KCNQ3: variants seen among roughly 807,000 people sequenced by gnomAD.
KCNQ3 encodes the protein potassium voltage-gated channel subfamily Q member 3, also known as potassium voltage-gated channel subfamily KQT member 3.
KCNQ3 carries 30 observed loss-of-function variants against 92.5 expected under a neutral mutation model. The observed-to-expected ratio is 0.32, with a 90% CI of 0.24 to 0.44. The LOEUF is 0.44. Among genes scored for constraint, KCNQ3 ranks in the 20% least tolerant of loss-of-function variants. The pLI is 1.00. For missense variants in KCNQ3, 913 were observed against 1,140.3 expected (o/e 0.80, Z 2.87); for synonymous variants, 450 against 468.8 (o/e 0.96, Z 0.52).
At chr8:132,276,184 T>C (rs1376584588) in intron 1 of KCNQ3, among the ~76,000 whole-genome samples, 2 of 152,158 alleles carry the variant, frequency 1.3e-5, no homozygotes, top group Non-Finnish European at 2.9e-5. Flanking sequence ...AAAATGAAAA[T>C]AATCCTAGCA....
At chr8:132,432,721 C>G (rs1402900313) in intron 1 of KCNQ3, among the ~76,000 whole-genome samples, 1 of 152,194 alleles carries the variant, frequency 6.6e-6, no homozygotes, top group Admixed American at 6.5e-5. Flanking sequence ...CATCCTATCT[C>G]TGTCATCCAC....
At position 132,480,529 on chromosome 8, in the gene KCNQ3, C is replaced by T; in HGVS notation, c.4G>A (p.Gly2Arg). Residue 2 changes from glycine to arginine, a missense_variant, in exon 1 of 15, where the codon GGG becomes AGG. Physicochemically the swap from Gly to Arg is moderately radical, Grantham distance 125. Transcript: ENST00000388996. M[G>R]LKARRAAGAA... ...CCCGCCGCCCTGCGCGCCTTGAGCCCCATCTGCCTCGCCCCCGCCGGCCGC... is the reference window on the plus strand; with the variant it reads ...CCCGCCGCCCTGCGCGCCTTGAGCCTCATCTGCCTCGCCCCCGCCGGCCGC... 1 of 1,241,958 alleles carries T rather than the reference C, an allele frequency of 8.1e-7. No individual in the cohort carries two copies. The highest frequency in any genetic ancestry group is 1.7e-5 in the South Asian group (1 of 58,798). 76.9% of individuals were successfully genotyped at this position (1,241,958 alleles called of 1,614,324 possible).
At chr8:132,133,153 GA>G (rs1824938744) in intron 13 of KCNQ3, among the ~76,000 whole-genome samples, 1 of 152,034 alleles carries the variant, frequency 6.6e-6, no homozygotes, top group African/African-American at 2.4e-5. Context: ...CTGTTTTCTG[GA>G]AACAGAGGAT....
At chr8:132,290,829 T>C (rs982711681) in intron 1 of KCNQ3, among the ~76,000 whole-genome samples, 2 of 152,094 alleles carry the variant, frequency 1.3e-5, no homozygotes, top group Non-Finnish European at 2.9e-5. Context: ...CACACTACTG[T>C]GAGAAATCAG....
At chr8:132,184,905 A>G (rs1264224952) in intron 2 of KCNQ3, among the ~76,000 whole-genome samples, 1 of 152,232 alleles carries the variant, frequency 6.6e-6, no homozygotes, top group Non-Finnish European at 1.5e-5. Context: ...AAGTTTTTCA[A>G]GGCAATGAAG....
At chr8:132,138,263 T>C (rs1307442993) in intron 11 of KCNQ3, among the ~76,000 whole-genome samples, 1 of 152,206 alleles carries the variant, frequency 6.6e-6, no homozygotes, top group Non-Finnish European at 1.5e-5. Flanking sequence ...AGAGCTAACA[T>C]TTATTGAGCA....
chr8:132,279,360 A>C (rs1456452294), intron 1 of KCNQ3, among the ~76,000 whole-genome samples: 1 of 152,230 alleles, frequency 6.6e-6, no homozygotes, highest in African/African-American at 2.4e-5. Context: ...GCCCTGGACC[A>C]GAGGATCAAC....
At chr8:132,228,926 G>C (rs1165005116) in intron 1 of KCNQ3, among the ~76,000 whole-genome samples, 6 of 152,150 alleles carry the variant, frequency 3.9e-5, no homozygotes, top group Non-Finnish European at 7.3e-5. Context: ...CACAGGGAGA[G>C]AGGGAACAAT....
At chr8:132,255,801 A>C (rs752822733) in intron 1 of KCNQ3, among the ~76,000 whole-genome samples, 1 of 152,202 alleles carries the variant, frequency 6.6e-6, no homozygotes, top group Non-Finnish European at 1.5e-5. Context: ...CACACATGAA[A>C]AGGAATACAG....
At chr8:132,325,164 G>C (rs945678263) in intron 1 of KCNQ3, among the ~76,000 whole-genome samples, 1 of 152,034 alleles carries the variant, frequency 6.6e-6, no homozygotes, top group African/African-American at 2.4e-5. Context: ...GGTCCTGGCG[G>C]TGTGGATGGG....
chr8:132,394,025 G>C (rs934341337), intron 1 of KCNQ3, among the ~76,000 whole-genome samples: 3 of 152,116 alleles, frequency 2.0e-5, no homozygotes, highest in African/African-American at 7.2e-5. Flanking sequence ...TCAGACCCAG[G>C]CTCCACAAGA....
intron 1 of KCNQ3, among the ~76,000 whole-genome samples, chr8:132,242,961 C>T (rs1586858342): frequency 6.6e-6 from 1 of 152,198 alleles, no homozygotes; most frequent in South Asian, 2.1e-4. Flanking sequence ...TACCTCTGTT[C>T]ACTTCCGTTC....
chr8:132,345,797 T>G (rs971930625), intron 1 of KCNQ3, among the ~76,000 whole-genome samples: 1 of 152,160 alleles, frequency 6.6e-6, no homozygotes, highest in African/African-American at 2.4e-5. Flanking sequence ...AGACTACAGC[T>G]ACATTAACAA....
At chr8:132,373,172 C>T (rs1201564360) in intron 1 of KCNQ3, among the ~76,000 whole-genome samples, 1 of 151,986 alleles carries the variant, frequency 6.6e-6, no homozygotes, top group Non-Finnish European at 1.5e-5. Context: ...GGGCCTCCAG[C>T]GTCAGACATG....
intron 1 of KCNQ3, among the ~76,000 whole-genome samples, chr8:132,216,059 A>G (rs1814019520): frequency 6.6e-6 from 1 of 152,250 alleles, no homozygotes; most frequent in African/African-American, 2.4e-5. Context: ...ATTTCTCTGC[A>G]TAATAATCTC....
At chr8:132,310,530 G>A (rs1281590916) in intron 1 of KCNQ3, among the ~76,000 whole-genome samples, 2 of 152,130 alleles carry the variant, frequency 1.3e-5, no homozygotes, top group East Asian at 1.9e-4. Context: ...CCACTGCCTG[G>A]GCTGGTCTTC....
At chr8:132,136,620 C>A (rs1004863584) in intron 12 of KCNQ3, among the ~76,000 whole-genome samples, 9 of 152,032 alleles carry the variant, frequency 5.9e-5, no homozygotes, top group African/African-American at 1.9e-4. Flanking sequence ...TGTTTAGAAT[C>A]ATATCATACC....
rs55856588 is a variant in KCNQ3 at position 132,278,366 on chromosome 8, C to T, written c.387-92185G>A. Among the ~76,000 whole-genome samples the T allele has an allele frequency of 8.2e-3, 1,256 of 152,250 alleles. 16 individuals are homozygous for T. The highest frequency in any genetic ancestry group is 0.029 in the African/African-American group (1,210 of 41,546). On this transcript the variant is annotated intron_variant, in intron 1 of 14. Coordinates refer to ENST00000388996, the MANE Select transcript of KCNQ3 (RefSeq NM_004519.4). ...GATTAATCCCACAATCAGCATTGTC[C>T]TCAAGGAAACATCTACCAGTGCTGC... is the stretch of plus-strand genomic sequence containing the variant.
Position 132,129,275 on chromosome 8 carries a change from T to C in KCNQ3, c.2606A>G (p.Asn869Ser), listed in dbSNP as rs1203634906. The C allele has an allele frequency of 1.2e-6, 2 of 1,612,440 alleles. No individual in the cohort carries two copies. The highest frequency in any genetic ancestry group is 1.3e-5 in the African/African-American group (1 of 75,072). ...GISDSVWTPS[N>S]KPI ...CAGTGACCTCTTTTAAATGGGCTTA[T>C]TGGAAGGGGTCCATACTGAATCAGA... The change falls in exon 15 of 15, where the codon AAT becomes AGT. Residue 869 changes from asparagine (N) to serine (S), a missense_variant. By Grantham distance (46) the Asn-to-Ser change is conservative. Around this residue, in one of 6 missense-constraint regions of KCNQ3, gnomAD observed 375 missense variants for 376.4 expected, o/e 1.00. Coordinates refer to ENST00000388996, the MANE Select transcript of KCNQ3 (RefSeq NM_004519.4). This position sits in a 1 kb window ranked among gnomAD's most constrained non-coding sequence, Gnocchi z 5.9.
Sources: gnomAD v4.1 joint callset for allele counts (sites outside exome capture counted in the v4.1 genomes callset) on GRCh38, gnomAD v4.1.1 for gene constraint, gnomAD v4.1.1 regional missense constraint, Gnocchi (gnomAD v3.1) non-coding constraint, MANE v1.5 for transcripts, NCBI Gene and HGNC (gene_info 2026-07-23, HGNC 2026-07-21) for gene names.